Variants in BORCS5 observed in about 807,000 individuals in gnomAD.
The protein encoded by BORCS5 is BLOC-1 related complex subunit 5, also known as BLOC-1-related complex subunit 5.
Under a neutral mutation model 22.1 loss-of-function variants are expected in BORCS5, and 17 were observed. That is an observed-to-expected ratio of 0.77 (90% CI 0.53 to 1.15). BORCS5 has a LOEUF of 1.15. Ranked by LOEUF, BORCS5 falls within the 50% of genes most tolerant of loss-of-function variation. The probability of loss-of-function intolerance (pLI) is 0.00; values close to 1 mark genes in which losing one functional copy is unlikely to be tolerated. For synonymous variants in BORCS5, 117 were observed against 99.8 expected (o/e 1.17, Z -1.03); for missense variants, 247 against 253.2 (o/e 0.98, Z 0.17).
chr12:12,379,671 A>C (rs1322863267), intron 2 of BORCS5, among the ~76,000 whole-genome samples: 1 of 151,328 alleles, frequency 6.6e-6, no homozygotes, highest in Non-Finnish European at 1.5e-5. Context: ...CCAGAAGTAG[A>C]ACCTCTGAGG....
At chr12:12,386,718 C>T (rs1863891465) in intron 2 of BORCS5, among the ~76,000 whole-genome samples, 1 of 150,780 alleles carries the variant, frequency 6.6e-6, no homozygotes, top group South Asian at 2.1e-4. Flanking sequence ...GATCCACCTG[C>T]CTCGGCCTCC....
rs555783304 is a variant in BORCS5, at chr12:12,376,046, G to A, written c.202+14697G>A. On this transcript the variant is annotated intron_variant, in intron 2 of 3. Transcript: ENST00000314565. ...TCTCAAACTCCTGACCTCATGATCC[G>A]CCCACCTCGGCCTCCCAAAGTGTTG... is the stretch of plus-strand genomic sequence containing the variant. Among the ~76,000 whole-genome samples, 32 of 151,956 alleles carry A rather than the reference G, an allele frequency of 2.1e-4. No individual in the cohort carries two copies. The Middle Eastern group carries it at 0.01, about 48-fold the overall frequency.
chr12:12,452,060 C>CT, intron 3 of BORCS5: 1 of 424,182 alleles, frequency 2.4e-6, no homozygotes, highest in Non-Finnish European at 4.6e-6. Flanking sequence ...ACTTACGTGA[C>CT]TTTCCCCCCT....
chr12:12,357,497 C>A lies in BORCS5; in HGVS notation c.46C>A (p.Leu16Met). The A allele has an allele frequency of 6.2e-7, 1 of 1,611,398 alleles. No homozygotes were observed. Among genetic ancestry groups the A allele is most frequent in the Non-Finnish European group, 8.5e-7 (1 of 1,177,822 alleles). Residue 16 changes from leucine to methionine, a missense_variant, in exon 1 of 4, where the codon CTG (leucine) becomes ATG (methionine). Leu to Met is a conservative substitution (Grantham distance 15). Transcript: ENST00000314565. ...SSEAESRPND[L>M]NSSVTPSPAK... ...CGAGGCCGAGAGCCGACCCAACGAT[C>A]TGAACTCCTCAGGTCGGTGTCCTAA...
At chr12:12,382,372 C>G (rs1565848603) in intron 2 of BORCS5, among the ~76,000 whole-genome samples, 1 of 150,940 alleles carries the variant, frequency 6.6e-6, no homozygotes, top group Non-Finnish European at 1.5e-5. Flanking sequence ...TACAGGGAGG[C>G]ACCAAGCCAT....
At chr12:12,414,677 G>T (rs1241553295) in intron 2 of BORCS5, among the ~76,000 whole-genome samples, 12 of 90,350 alleles carry the variant, frequency 1.3e-4, no homozygotes, top group African/African-American at 1.5e-4. Context: ...GCGGCTGGCC[G>T]GGCGGGGGGC....
chr12:12,359,454 C>T lies in BORCS5; in HGVS notation c.59-1752C>T, dbSNP rs565389267. On this transcript the variant is annotated intron_variant, in intron 1 of 3. Coordinates refer to ENST00000314565, the MANE Select transcript of BORCS5 (RefSeq NM_058169.6). ...TTGGCTCACTGCAACCTCCGCCTCC[C>T]GGATTCAAGCAATTTTCCTGCCTCA... 6.9e-4 allele frequency among the ~76,000 whole-genome samples: 105 copies of T among 151,470 alleles called. 1 individual carries two copies. Among genetic ancestry groups the T allele is most frequent in the African/African-American group, 2.4e-3 (100 of 41,274 alleles).
chr12:12,397,158 A>G lies in BORCS5; in HGVS notation c.202+35809A>G, dbSNP rs547158607. Among the ~76,000 whole-genome samples, 167 of 152,196 alleles carry G rather than the reference A, an allele frequency of 1.1e-3. 1 individual carries two copies. Among genetic ancestry groups the G allele is most frequent in the African/African-American group, 3.5e-3 (144 of 41,508 alleles). ...TTCTCTAGTTTATTTGAAACCTTAT[A>G]TCTTTGAGAACTTTGGAACTCCCCA... On this transcript the variant is annotated intron_variant, in intron 2 of 3. Coordinates refer to ENST00000314565, the MANE Select transcript of BORCS5 (RefSeq NM_058169.6).
At chr12:12,417,966 T>A (rs865979047) in intron 2 of BORCS5, among the ~76,000 whole-genome samples, 2 of 151,160 alleles carry the variant, frequency 1.3e-5, no homozygotes, top group African/African-American at 2.4e-5. Context: ...TCTTTTTTTT[T>A]ATCTTCTTGC....
chr12:12,407,723 T>TTTTTA (rs1941625581), intron 2 of BORCS5, among the ~76,000 whole-genome samples: 1 of 151,262 alleles, frequency 6.6e-6, no homozygotes, highest in African/African-American at 2.4e-5. Flanking sequence ...TTTTTTTTTT[T>TTTTTA]GAGACAGGGC....
intron 2 of BORCS5, among the ~76,000 whole-genome samples, chr12:12,402,914 A>G (rs1941509843): frequency 6.6e-6 from 1 of 152,236 alleles, no homozygotes; most frequent in South Asian, 2.1e-4. Context: ...TTGGTAGGAT[A>G]GAAAAACTTT....
intron 2 of BORCS5, among the ~76,000 whole-genome samples, chr12:12,363,211 C>A (rs762985991): frequency 1.3e-5 from 2 of 151,526 alleles, no homozygotes; most frequent in African/African-American, 4.8e-5. Flanking sequence ...GTAGAAGGAT[C>A]GCTTGAGCCC....
chr12:12,465,899 C>A lies in BORCS5; in HGVS notation c.*123C>A. On this transcript the variant is annotated 3_prime_UTR_variant, in exon 4 of 4. Transcript: ENST00000314565. ...GCGGGAGGCTCCCTGAAAGTGGGTG[C>A]GAAGGAGTCCGGCTGGCATGAAAAT... 2 of 734,096 alleles carry A rather than the reference C, an allele frequency of 2.7e-6. No individual in the cohort carries two copies. The highest frequency in any genetic ancestry group is 4.4e-6 in the Non-Finnish European group (2 of 457,800). 45.5% of individuals were successfully genotyped at this position (734,096 alleles called of 1,614,324 possible). A position where few individuals can be genotyped will look rare whatever the true frequency, so the allele number is the denominator to read the frequency against.
chr12:12,444,552 G>T (rs1027702073), intron 3 of BORCS5, among the ~76,000 whole-genome samples: 4 of 152,292 alleles, frequency 2.6e-5, no homozygotes, highest in Admixed American at 6.5e-5. Flanking sequence ...CTCCAAAGAG[G>T]CTGGGAAATA....
chr12:12,466,081 T>C lies in BORCS5; in HGVS notation c.*305T>C, dbSNP rs1043403296. On this transcript the variant is annotated 3_prime_UTR_variant, in exon 4 of 4. Coordinates refer to ENST00000314565, the MANE Select transcript of BORCS5 (RefSeq NM_058169.6). ...ATTTTTATTTAGTTTTTTTTTTTTT[T>C]TAATTGAGAGTATATAGTCCAGTCC... is the stretch of plus-strand genomic sequence containing the variant. The C allele has an allele frequency of 1.3e-5, 4 of 298,786 alleles. No individual in the cohort carries two copies. Among genetic ancestry groups the C allele is most frequent in the South Asian group, 5.7e-5 (1 of 17,564 alleles). The allele number at this position is 298,786 out of a possible 1,614,324, so 18.5% of individuals were successfully genotyped here.
intron 2 of BORCS5, among the ~76,000 whole-genome samples, chr12:12,364,843 T>C (rs1863370821): frequency 6.6e-6 from 1 of 152,182 alleles, no homozygotes; most frequent in Non-Finnish European, 1.5e-5. Context: ...GGTGGGCACC[T>C]GTAGTTCCAG....
intron 2 of BORCS5, among the ~76,000 whole-genome samples, chr12:12,385,072 A>T (rs944440064): frequency 6.6e-6 from 1 of 151,466 alleles, no homozygotes. Context: ...AGGGTAGCAC[A>T]TTCAAAGTTC....
intron 3 of BORCS5, among the ~76,000 whole-genome samples, chr12:12,457,030 A>G (rs1943009966): frequency 1.3e-5 from 2 of 152,068 alleles, no homozygotes. Context: ...TTCATGTACT[A>G]CATTTCTTAT....
chr12:12,416,025 G>A (rs1941940218), intron 2 of BORCS5, among the ~76,000 whole-genome samples: 2 of 152,116 alleles, frequency 1.3e-5, no homozygotes, highest in Admixed American at 1.3e-4. Flanking sequence ...TCTATTCAGA[G>A]TTTCTATGTG....
Sources: gnomAD v4.1 joint callset for allele counts (sites outside exome capture counted in the v4.1 genomes callset) on GRCh38, gnomAD v4.1.1 for gene constraint, MANE v1.5 for transcripts, NCBI Gene and HGNC (gene_info 2026-07-23, HGNC 2026-07-21) for gene names.